SMOC2: variants seen among roughly 807,000 people sequenced by gnomAD.
SMOC2 encodes the protein SPARC-related modular calcium-binding protein 2.
Under a neutral mutation model 61.4 loss-of-function variants are expected in SMOC2, and 39 were observed. The ratio of observed to expected loss-of-function variants is 0.64; its 90% CI spans 0.49 to 0.83. The LOEUF (loss-of-function observed/expected upper bound fraction) is 0.83. Among genes scored for constraint, SMOC2 ranks in the 40% least tolerant of loss-of-function variants. The pLI is 0.00. For missense variants in SMOC2, 556 were observed against 592.9 expected (o/e 0.94, Z 0.65); for synonymous variants, 247 against 239.9 (o/e 1.03, Z -0.27).
At chr6:168,545,122 T>G (rs541271202) in intron 5 of SMOC2, among the ~76,000 whole-genome samples, 1 of 152,196 alleles carries the variant, frequency 6.6e-6, no homozygotes, top group South Asian at 2.1e-4. Context: ...TGTCGACATT[T>G]GTAGAGAAAG....
chr6:168,472,863 A>C (rs1018342122), intron 1 of SMOC2, among the ~76,000 whole-genome samples: 3 of 152,144 alleles, frequency 2.0e-5, no homozygotes, highest in African/African-American at 4.8e-5. Flanking sequence ...GCACTGGAGC[A>C]TCGTGATGTT....
At chr6:168,647,287 CA>C (rs1482850374) in intron 9 of SMOC2, among the ~76,000 whole-genome samples, 3 of 152,124 alleles carry the variant, frequency 2.0e-5, no homozygotes, top group Non-Finnish European at 2.9e-5. Flanking sequence ...CCCCACCGTG[CA>C]GGCGGCTAAG....
intron 5 of SMOC2, among the ~76,000 whole-genome samples, chr6:168,546,058 T>C (rs1288027358): frequency 1.3e-5 from 2 of 150,820 alleles, no homozygotes; most frequent in Non-Finnish European, 2.9e-5. Flanking sequence ...GATTGCTCAA[T>C]GTTAAATTTT....
chr6:168,632,379 TTAAAAGTACA>T (rs1380840143), intron 9 of SMOC2, among the ~76,000 whole-genome samples: 1 of 152,216 alleles, frequency 6.6e-6, no homozygotes, highest in African/African-American at 2.4e-5. Context: ...ATAATTGCCT[TTAAAAGTACA>T]AAACCAGAAA....
intron 7 of SMOC2, among the ~76,000 whole-genome samples, chr6:168,585,349 G>T (rs1177684847): frequency 6.6e-6 from 1 of 152,136 alleles, no homozygotes; most frequent in Non-Finnish European, 1.5e-5. Context: ...TCCAGTAATG[G>T]TTTTGAGCTT....
At chr6:168,562,118 G>A (rs374073315) in intron 7 of SMOC2, among the ~76,000 whole-genome samples, 14 of 5,976 alleles carry the variant, frequency 2.3e-3, no homozygotes, top group East Asian at 0.014. Context: ...CCTGAGACAC[G>A]AGGCTCTCAC....
intron 2 of SMOC2, among the ~76,000 whole-genome samples, chr6:168,516,859 C>T (rs1252156364): frequency 6.6e-6 from 1 of 152,152 alleles, no homozygotes; most frequent in African/African-American, 2.4e-5. Flanking sequence ...GAGGCTGAGG[C>T]AGGGGAATCC....
Position 168,562,808 on chromosome 6 carries a change from G to C in SMOC2, c.637+13605G>C, listed in dbSNP as rs371435653. Among the ~76,000 whole-genome samples the C allele has an allele frequency of 2.4e-4, 36 of 152,318 alleles. No individual in the cohort carries two copies. In the East Asian group the frequency reaches 4.1e-3, roughly 17 times the overall value. ...CCGGGAGAGCGTTGCCCGTGGAGCTGTTTTCCCGGTGATCACGCAGGGATC... is the reference window on the plus strand; with the variant it reads ...CCGGGAGAGCGTTGCCCGTGGAGCTCTTTTCCCGGTGATCACGCAGGGATC... On this transcript the variant is annotated intron_variant, in intron 7 of 12. Transcript: ENST00000356284.
chr6:168,573,705 A>G (rs932949294), intron 7 of SMOC2, among the ~76,000 whole-genome samples: 5 of 152,110 alleles, frequency 3.3e-5, no homozygotes, highest in African/African-American at 1.2e-4. Context: ...CCACAGCCTC[A>G]GGACCCTGTC....
intron 9 of SMOC2, among the ~76,000 whole-genome samples, chr6:168,620,616 A>C (rs1442191842): frequency 6.6e-6 from 1 of 152,182 alleles, no homozygotes; most frequent in Non-Finnish European, 1.5e-5. Flanking sequence ...TGTCAAGAAC[A>C]TTTCACCCTC....
chr6:168,494,033 G>A (rs1314074444), intron 1 of SMOC2, among the ~76,000 whole-genome samples: 4 of 152,176 alleles, frequency 2.6e-5, no homozygotes, highest in Non-Finnish European at 5.9e-5. Context: ...CCATTGGAAC[G>A]ATCCTGAAGT....
At chr6:168,599,545 C>G (rs1303455287) in intron 8 of SMOC2, among the ~76,000 whole-genome samples, 1 of 137,330 alleles carries the variant, frequency 7.3e-6, no homozygotes, top group Non-Finnish European at 1.6e-5. Flanking sequence ...CCCACTCACA[C>G]ACACTCATAC....
chr6:168,608,557 G>T (rs1469464775), intron 9 of SMOC2, among the ~76,000 whole-genome samples: 2 of 152,160 alleles, frequency 1.3e-5, no homozygotes, highest in African/African-American at 4.8e-5. Context: ...GAACCCCACA[G>T]CCCAAAGAAC....
At chr6:168,546,018 A>G (rs1408414273) in intron 5 of SMOC2, among the ~76,000 whole-genome samples, 2 of 152,102 alleles carry the variant, frequency 1.3e-5, no homozygotes, top group South Asian at 2.1e-4. Flanking sequence ...TTTTGTCAGT[A>G]TTTTGATAGC....
At position 168,547,151 on chromosome 6, in the gene SMOC2, C is replaced by G. The variant is rs368616011; in HGVS notation, c.544C>G (p.Pro182Ala). 254 of 1,613,938 alleles carry G rather than the reference C, an allele frequency of 1.6e-4. No homozygotes were observed. The highest frequency in any genetic ancestry group is 2.1e-4 in the Non-Finnish European group (246 of 1,180,024). Residue 182 changes from proline (P) to alanine (A), a missense_variant, in exon 6 of 13, where the codon CCT (proline) becomes GCT (alanine). Physicochemically the swap from Pro to Ala is conservative, Grantham distance 27 (BLOSUM62 -1). Transcript: ENST00000356284. ...DAAAPALETQ[P>A]QGDEEDIASR... ...CGCAGCTCCAGCGTTGGAGACTCAG[C>G]CTCAAGGAGATGAAGAAGGTGAGCC...
intron 1 of SMOC2, among the ~76,000 whole-genome samples, chr6:168,465,914 A>T (rs1158896941): frequency 9.1e-6 from 1 of 109,444 alleles, no homozygotes; most frequent in African/African-American, 3.7e-5. Context: ...CTGCTCTGAG[A>T]GCTGGAACTG....
At chr6:168,495,320 G>A (rs530361505) in intron 1 of SMOC2, among the ~76,000 whole-genome samples, 214 of 152,318 alleles carry the variant, frequency 1.4e-3, no homozygotes, top group African/African-American at 4.5e-3. Flanking sequence ...CGTGGCAGGT[G>A]GATCTTCTTC....
intron 1 of SMOC2, among the ~76,000 whole-genome samples, chr6:168,442,136 A>G (rs1339525566): frequency 6.6e-6 from 1 of 152,216 alleles, no homozygotes. Flanking sequence ...CCTGAGTGTT[A>G]TTAGAGAAGC....
chr6:168,496,183 G>T (rs1009415322), intron 1 of SMOC2, among the ~76,000 whole-genome samples: 3 of 152,164 alleles, frequency 2.0e-5, no homozygotes, highest in African/African-American at 7.2e-5. Context: ...ACAGAGCCTG[G>T]AAGCTTTTCG....
Sources: allele counts gnomAD v4.1 joint callset (sites outside exome capture counted in the v4.1 genomes callset), GRCh38; gene constraint gnomAD v4.1.1; transcripts MANE v1.5; gene names NCBI Gene and HGNC (gene_info 2026-07-23, HGNC 2026-07-21).